Variants in AK7 observed in about 807,000 individuals in gnomAD.
The protein encoded by AK7 is adenylate kinase 7.
AK7 carries 78 observed loss-of-function variants against 96.6 expected under a neutral mutation model. That is an observed-to-expected ratio of 0.81 (90% CI 0.67 to 0.97). AK7 has a LOEUF of 0.97. Among genes scored for constraint, AK7 ranks in the 50% least tolerant of loss-of-function variants. The pLI, the probability that AK7 is intolerant of heterozygous loss-of-function variation, is 0.00. For synonymous variants in AK7, 302 were observed against 317.2 expected (o/e 0.95, Z 0.51); for missense variants, 855 against 887.9 (o/e 0.96, Z 0.47).
chr14:96,461,381 G>A (rs778701164), intron 12 of AK7, among the ~76,000 whole-genome samples: 6 of 152,160 alleles, frequency 3.9e-5, no homozygotes, highest in Non-Finnish European at 7.3e-5. Context: ...TCTGTGGAAG[G>A]AAATCTGTCA....
intron 10 of AK7, among the ~76,000 whole-genome samples, chr14:96,455,982 T>C (rs890773232): frequency 6.6e-6 from 1 of 152,062 alleles, no homozygotes; most frequent in Admixed American, 6.6e-5. Context: ...CTCACATCTG[T>C]AATCCCAGCA....
chr14:96,478,933 G>A (rs1358811874), intron 15 of AK7, among the ~76,000 whole-genome samples: 1 of 151,490 alleles, frequency 6.6e-6, no homozygotes, highest in Non-Finnish European at 1.5e-5. Context: ...TGGGGGGATG[G>A]AGTCTCGCTC....
Position 96,488,262 on chromosome 14 carries a change from T to C in AK7, c.2134-43T>C, listed in dbSNP as rs56265756. ...ATTACTAATACAAATACATGACTAA[T>C]AATAACTTGTAAACTGTTGACTTGT... On this transcript the variant is annotated intron_variant, in intron 17 of 17. Transcript: ENST00000267584. 2,654 of 1,553,170 alleles carry C rather than the reference T, an allele frequency of 1.7e-3. 48 individuals carry two copies. The African/African-American group carries it at 0.031, about 18-fold the overall frequency.
chr14:96,473,916 C>T (rs565842217), intron 14 of AK7, among the ~76,000 whole-genome samples: 91 of 152,284 alleles, frequency 6.0e-4, no homozygotes, highest in African/African-American at 2.1e-3. Flanking sequence ...TGGTTTTATT[C>T]TATCACATAT....
chr14:96,448,428 C>T (rs1332034205), intron 8 of AK7, among the ~76,000 whole-genome samples: 1 of 151,642 alleles, frequency 6.6e-6, no homozygotes, highest in East Asian at 1.9e-4. Context: ...GCCAGGAGTC[C>T]AAGACCAGCA....
At position 96,449,900 on chromosome 14, in the gene AK7, T is replaced by TA. The variant is rs776186366; in HGVS notation, c.948+21_948+22insA. Reference sequence around the variant, plus strand: ...TAACGGTTAGTATATGCGGTGTTTTTTTTTTTTTAACTATCTTTCTCAATA... The same window carrying TA: ...TAACGGTTAGTATATGCGGTGTTTTTATTTTTTTTAACTATCTTTCTCAATA... On this transcript the variant is annotated intron_variant, in intron 9 of 17. Coordinates refer to ENST00000267584, the MANE Select transcript of AK7 (RefSeq NM_152327.5). 22 of 1,530,102 alleles carry TA rather than the reference T, an allele frequency of 1.4e-5. No homozygotes were observed. In the African/African-American group the frequency reaches 2.9e-4, roughly 20 times the overall value. The allele number at this position is 1,530,102 out of a possible 1,614,324, so 94.8% of individuals were successfully genotyped here. A position where few individuals can be genotyped will look rare whatever the true frequency, so the allele number is the denominator to read the frequency against.
At chr14:96,439,440 G>T (rs527273435) in intron 6 of AK7, among the ~76,000 whole-genome samples, 1 of 152,090 alleles carries the variant, frequency 6.6e-6, no homozygotes, top group Non-Finnish European at 1.5e-5. Flanking sequence ...CAAGGCAGGC[G>T]GATCACAAGG....
In AK7 at chr14:96,449,899, T is replaced by TG. The variant is rs906040396; in HGVS notation, c.948+20_948+21insG. The stretch of plus-strand genomic sequence containing the variant: ...TTAACGGTTAGTATATGCGGTGTTT[T>TG]TTTTTTTTTAACTATCTTTCTCAAT... On this transcript the variant is annotated intron_variant, in intron 9 of 17. Coordinates refer to ENST00000267584, the MANE Select transcript of AK7 (RefSeq NM_152327.5). 4 of 1,530,216 alleles carry TG rather than the reference T, an allele frequency of 2.6e-6. No individual in the cohort carries two copies. Among genetic ancestry groups the TG allele is most frequent in the Admixed American group, 2.0e-5 (1 of 49,606 alleles). The allele number at this position is 1,530,216 out of a possible 1,614,324, so 94.8% of individuals were successfully genotyped here.
Position 96,437,889 on chromosome 14 carries a change from G to T in AK7, c.664G>T (p.Gly222Ter). 1 of 1,613,774 alleles carries T rather than the reference G, an allele frequency of 6.2e-7. No homozygotes were observed. ...TGCTGGACTCCAGTATGGAGCGGAA[G>T]GAGGCATGTTACACACATTTTTTAA... is the stretch of plus-strand genomic sequence containing the variant. ...VAAGLQYGAEGGMLHTFFKMA... is the reference protein window; with the variant it reads ...VAAGLQYGAE The change falls in exon 6 of 18, where the codon GGA (glycine) becomes TGA (stop). Residue 222 changes from glycine (G) to a stop codon, truncating the protein, a stop_gained. Coordinates refer to ENST00000267584, the MANE Select transcript of AK7 (RefSeq NM_152327.5). LOFTEE classifies it high-confidence loss of function.
intron 5 of AK7, among the ~76,000 whole-genome samples, chr14:96,432,164 A>C (rs1293952388): frequency 6.8e-6 from 1 of 147,616 alleles, no homozygotes; most frequent in African/African-American, 2.5e-5. Flanking sequence ...GAGTGATGAG[A>C]GAGGTAATCC....
At chr14:96,405,264 C>T (rs977781266) in intron 3 of AK7, among the ~76,000 whole-genome samples, 1 of 152,050 alleles carries the variant, frequency 6.6e-6, no homozygotes, top group Non-Finnish European at 1.5e-5. Context: ...CTCACTACAG[C>T]CTCGAACTCC....
chr14:96,458,216 A>G lies in AK7; in HGVS notation c.1357+4A>G. 6 of 1,613,600 alleles carry G rather than the reference A, an allele frequency of 3.7e-6. No individual in the cohort carries two copies. Among genetic ancestry groups the G allele is most frequent in the South Asian group, 1.1e-5 (1 of 91,044 alleles). On this transcript the variant is annotated splice_donor_region_variant and intron_variant, in intron 12 of 17. Coordinates refer to ENST00000267584, the MANE Select transcript of AK7 (RefSeq NM_152327.5). ...GAGAGCATGGAGCAGAATGCAGGTA[A>G]CACACACCCAGCAGAGAGCCACGCT...
chr14:96,478,042 A>AT (rs1241802678), intron 14 of AK7, among the ~76,000 whole-genome samples: 1 of 152,138 alleles, frequency 6.6e-6, no homozygotes, highest in South Asian at 2.1e-4. Flanking sequence ...ATAAGTATGT[A>AT]TTTTTTAAAA....
At chr14:96,441,017 T>A (rs1004557749) in intron 6 of AK7, among the ~76,000 whole-genome samples, 1 of 151,266 alleles carries the variant, frequency 6.6e-6, no homozygotes, top group African/African-American at 2.4e-5. Flanking sequence ...AAATAAAAGG[T>A]GTGGGTAGAT....
chr14:96,484,750 T>C (rs1895683920), intron 16 of AK7, among the ~76,000 whole-genome samples: 1 of 152,242 alleles, frequency 6.6e-6, no homozygotes. Context: ...ACTCTACCTA[T>C]TATATACATT....
intron 5 of AK7, among the ~76,000 whole-genome samples, chr14:96,436,082 C>T (rs1301442065): frequency 6.6e-6 from 1 of 152,128 alleles, no homozygotes; most frequent in Non-Finnish European, 1.5e-5. Flanking sequence ...CCATCTTGCC[C>T]TGCCTCTGGG....
chr14:96,407,833 G>A (rs1490050134), intron 3 of AK7, among the ~76,000 whole-genome samples: 1 of 151,826 alleles, frequency 6.6e-6, no homozygotes, highest in African/African-American at 2.4e-5. Context: ...CGCCCGCCTC[G>A]GCCTCCCAAA....
Position 96,478,480 on chromosome 14 carries a change from TG to T in AK7, c.1573del (p.Asp525MetfsTer7). The T allele has an allele frequency of 6.2e-7, 1 of 1,614,174 alleles. No homozygotes were observed. Among genetic ancestry groups the T allele is most frequent in the Non-Finnish European group, 8.5e-7 (1 of 1,180,022 alleles). ...KLIIPEFVCA[L>X]DASDEFLKER... Reference sequence around the variant, plus strand: ...TTCTCCCCAGAATTCGTTTGTGCACTGGATGCTTCGGATGAGTTTCTGAAGG... The same window carrying T: ...TTCTCCCCAGAATTCGTTTGTGCACTGATGCTTCGGATGAGTTTCTGAAGG... On this transcript the variant is annotated frameshift_variant, in exon 15 of 18. Coordinates refer to ENST00000267584, the MANE Select transcript of AK7 (RefSeq NM_152327.5). LOFTEE classifies it high-confidence loss of function.
chr14:96,404,711 C>T (rs1250293470), intron 2 of AK7, 46 bp from the exon 3 acceptor site: 2 of 1,306,246 alleles, frequency 1.5e-6, no homozygotes, highest in Non-Finnish European at 2.2e-6. Context: ...ATGAAGGTTA[C>T]CTTGTTAGCG....
Sources: gnomAD v4.1 joint callset for allele counts (sites outside exome capture counted in the v4.1 genomes callset) on GRCh38, gnomAD v4.1.1 for gene constraint, MANE v1.5 for transcripts, NCBI Gene and HGNC (gene_info 2026-07-23, HGNC 2026-07-21) for gene names.